Variants in NCKAP1L observed in about 807,000 individuals in gnomAD.
NCKAP1L encodes the protein NCK associated protein 1 like.
A neutral mutation model predicts 139.2 loss-of-function variants in NCKAP1L; 53 were observed. The ratio of observed to expected loss-of-function variants is 0.38; its 90% CI spans 0.31 to 0.48. The LOEUF (loss-of-function observed/expected upper bound fraction) is 0.48, where lower values mean the gene tolerates loss of function less well. Among genes scored for constraint, NCKAP1L ranks in the 20% least tolerant of loss-of-function variants. NCKAP1L has a pLI of 0.98. For synonymous variants in NCKAP1L, 468 were observed against 499.7 expected, an observed-to-expected ratio of 0.94 and a Z score of 0.85; for missense variants, 1,151 against 1,381.9, an observed-to-expected ratio of 0.83 and a Z score of 2.65.
intron 20 of NCKAP1L, among the ~76,000 whole-genome samples, chr12:54,525,462 C>T (rs1957018953): frequency 2.0e-5 from 3 of 152,094 alleles, no homozygotes; most frequent in African/African-American, 7.2e-5. Flanking sequence ...GATAATGGCC[C>T]ATGTGCAAGC....
chr12:54,542,394 A>C (rs1420840894), intron 30 of NCKAP1L, among the ~76,000 whole-genome samples, 181 bp from the exon 31 acceptor site: 1 of 152,140 alleles, frequency 6.6e-6, no homozygotes, highest in Non-Finnish European at 1.5e-5. Context: ...AATGGAGCTG[A>C]AGATGCCACA....
At position 54,547,677 on chromosome 12, in the gene NCKAP1L, T is replaced by C; in HGVS notation, c.*4992T>C. 1 of 152,204 alleles carries C rather than the reference T, an allele frequency of 6.6e-6. No homozygotes were observed. Among genetic ancestry groups the C allele is most frequent in the Non-Finnish European group, 1.5e-5 (1 of 68,036 alleles). The allele number at this position is 152,204 out of a possible 1,614,324, so 9.4% of individuals were successfully genotyped here. ...TTCTAGTTTAAAGACCTGCCTAAAT[T>C]TGGAAACTCCTTAGCTCTAATCCTA... is the stretch of plus-strand genomic sequence containing the variant. On this transcript the variant is annotated 3_prime_UTR_variant, in exon 31 of 31. Transcript: ENST00000293373.
chr12:54,512,243 A>G, intron 9 of NCKAP1L, 138 bp downstream of exon 9: 1 of 871,896 alleles, frequency 1.1e-6, no homozygotes, highest in Non-Finnish European at 1.7e-6. Flanking sequence ...TACATTAAAT[A>G]CCTACTATTA....
At position 54,523,453 on chromosome 12, in the gene NCKAP1L, G is replaced by A. The variant is rs749536186; in HGVS notation, c.1938G>A (p.Lys646=). The A allele has an allele frequency of 1.9e-6, 3 of 1,614,162 alleles. No individual in the cohort carries two copies. The highest frequency in any genetic ancestry group is 2.5e-6 in the Non-Finnish European group (3 of 1,180,028). ...ISKAKNKKTR[K]QRQTPRKGEP... is the part of the protein sequence containing the mutation. ...AAGCCAAGAACAAGAAAACCAGGAA[G>A]CAGAGGCAGACTCCCAGAAAAGGAG... The change falls in exon 19 of 31, where the codon AAG becomes AAA. Residue 646 remains lysine, a synonymous_variant. Coordinates refer to ENST00000293373, the MANE Select transcript of NCKAP1L (RefSeq NM_005337.5).
intron 15 of NCKAP1L, 42 bp downstream of exon 15, chr12:54,519,014 T>A: frequency 6.3e-7 from 1 of 1,586,410 alleles, no homozygotes; most frequent in Non-Finnish European, 8.7e-7. Flanking sequence ...CCTCAGATTC[T>A]TCCTCCCCCA....
chr12:54,536,017 ATT>A, intron 27 of NCKAP1L, 110 bp from the exon 28 acceptor site: 1 of 762,838 alleles, frequency 1.3e-6, no homozygotes. Flanking sequence ...TTTCATGGAT[ATT>A]TTCTCCTGCG....
At chr12:54,509,818 C>T (rs774795811) in intron 6 of NCKAP1L, 30 bp from the exon 7 acceptor site, 14 of 1,614,018 alleles carry the variant, frequency 8.7e-6, no homozygotes, top group Middle Eastern at 1.6e-4. Flanking sequence ...TCATGATTGC[C>T]GCTAAGGTTT....
At chr12:54,500,673 C>T (rs1956790957) in intron 3 of NCKAP1L, 48 bp downstream of exon 3, 3 of 1,174,934 alleles carry the variant, frequency 2.6e-6, no homozygotes, top group Non-Finnish European at 1.3e-6. Flanking sequence ...CTTTCAGAGG[C>T]TATTCTTTCT....
intron 9 of NCKAP1L, chr12:54,512,596 A>G (rs1394416638): frequency 6.5e-6 from 1 of 154,150 alleles, no homozygotes; most frequent in Non-Finnish European, 1.4e-5. Context: ...CGAGGAATCT[A>G]TGAACTGGTA....
chr12:54,527,269 G>A (rs897747258), intron 21 of NCKAP1L, among the ~76,000 whole-genome samples: 1 of 152,188 alleles, frequency 6.6e-6, no homozygotes, highest in Non-Finnish European at 1.5e-5. Context: ...AAAGGAGCTG[G>A]ATTTCTACCT....
chr12:54,533,681 A>G (rs1199603978), intron 26 of NCKAP1L, among the ~76,000 whole-genome samples: 4 of 151,976 alleles, frequency 2.6e-5, no homozygotes, highest in Non-Finnish European at 4.4e-5. Context: ...ATTCTCATGC[A>G]TCAGCCCCCC....
intron 30 of NCKAP1L, among the ~76,000 whole-genome samples, chr12:54,541,471 C>T (rs1233500233): frequency 1.3e-5 from 2 of 152,206 alleles, no homozygotes; most frequent in Non-Finnish European, 2.9e-5. Context: ...CAGCTCATCT[C>T]TTTCCCAGCT....
chr12:54,542,762 G>A lies in NCKAP1L; in HGVS notation c.*77G>A, dbSNP rs1306884725. ...CATAGTGGAAGCTGTGGTCACTTTC[G>A]CAGGGGGTGGGAATGGGGTGGGGTC... On this transcript the variant is annotated 3_prime_UTR_variant, in exon 31 of 31. Transcript: ENST00000293373. The A allele has an allele frequency of 1.0e-5, 9 of 881,516 alleles. No homozygotes were observed. Among genetic ancestry groups the A allele is most frequent in the South Asian group, 8.2e-5 (6 of 72,754 alleles). The allele number at this position is 881,516 out of a possible 1,614,324, so 54.6% of individuals were successfully genotyped here.
intron 3 of NCKAP1L, among the ~76,000 whole-genome samples, chr12:54,503,063 T>C (rs1009601040): frequency 4.0e-5 from 6 of 151,650 alleles, no homozygotes; most frequent in African/African-American, 7.3e-5. Context: ...CATATTCACA[T>C]TTCTCCAGTT....
At chr12:54,523,360 C>T (rs2120934839) in intron 18 of NCKAP1L, 34 bp from the exon 19 acceptor site, 1 of 1,589,612 alleles carries the variant, frequency 6.3e-7, no homozygotes, top group Non-Finnish European at 8.5e-7. Context: ...GCAACAAATC[C>T]CCTTTCTCCA....
At position 54,547,260 on chromosome 12, in the gene NCKAP1L, GGTGACTAAAGAAA is replaced by G. The variant is rs1431069694; in HGVS notation, c.*4580_*4592del. ...GAGGTTGAGACTAAACACCAGGACT[GGTGACTAAAGAAA>G]GTGAAAGGAGCCACAGAGTGAAAAA... On this transcript the variant is annotated 3_prime_UTR_variant, in exon 31 of 31. Transcript: ENST00000293373. 1 of 152,146 alleles carries G rather than the reference GGTGACTAAAGAAA, an allele frequency of 6.6e-6. No individual in the cohort carries two copies. Among genetic ancestry groups the G allele is most frequent in the African/African-American group, 2.4e-5 (1 of 41,438 alleles). The allele number at this position is 152,146 out of a possible 1,614,324, so 9.4% of individuals were successfully genotyped here.
intron 9 of NCKAP1L, among the ~76,000 whole-genome samples, chr12:54,513,688 C>T (rs559491361): frequency 5.3e-5 from 8 of 151,992 alleles, no homozygotes; most frequent in Non-Finnish European, 1.2e-4. Context: ...GTTTTAGTGC[C>T]CTTCTTGTGA....
intron 24 of NCKAP1L, 47 bp from the exon 25 acceptor site, chr12:54,531,696 C>T: frequency 2.5e-6 from 4 of 1,603,334 alleles, no homozygotes; most frequent in Non-Finnish European, 2.6e-6. Context: ...AAATCATCAC[C>T]AATCCCTCTC....
Position 54,544,226 on chromosome 12 carries a change from T to C in NCKAP1L, c.*1541T>C, listed in dbSNP as rs1184444422. 7.2e-5 allele frequency: 11 copies of C among 152,156 alleles called. No individual in the cohort carries two copies. Among genetic ancestry groups the C allele is most frequent in the Admixed American group, 7.2e-4 (11 of 15,268 alleles). 9.4% of individuals were successfully genotyped at this position (152,156 alleles called of 1,614,324 possible). On this transcript the variant is annotated 3_prime_UTR_variant, in exon 31 of 31. Coordinates refer to ENST00000293373, the MANE Select transcript of NCKAP1L (RefSeq NM_005337.5). Reference sequence around the variant, plus strand: ...AAAGGGTGATTCAGTGTCAGGCTTATGAGACTGAGAGTAAAGTTGATGAGG... The same window carrying C: ...AAAGGGTGATTCAGTGTCAGGCTTACGAGACTGAGAGTAAAGTTGATGAGG...
Sources: allele counts gnomAD v4.1 joint callset (sites outside exome capture counted in the v4.1 genomes callset), GRCh38; gene constraint gnomAD v4.1.1; transcripts MANE v1.5; gene names NCBI Gene and HGNC (gene_info 2026-07-23, HGNC 2026-07-21).